Variants in MAGI2 observed in about 807,000 individuals in gnomAD.
MAGI2 encodes the protein membrane-associated guanylate kinase, WW and PDZ domain-containing protein 2.
Under a neutral mutation model 133.3 loss-of-function variants are expected in MAGI2, and 35 were observed. The observed-to-expected ratio is 0.26, with a 90% confidence interval of 0.20 to 0.35. The LOEUF is 0.35. Among genes scored for constraint, MAGI2 ranks in the 10% least tolerant of loss-of-function variants. MAGI2 has a pLI of 1.00. For missense variants in MAGI2, 1,636 were observed against 1,863.4 expected (o/e 0.88, Z 2.25); for synonymous variants, 729 against 710.6 (o/e 1.03, Z -0.41).
intron 3 of MAGI2, among the ~76,000 whole-genome samples, chr7:78,561,130 T>A (rs1195645552): frequency 2.0e-5 from 3 of 151,892 alleles, no homozygotes; most frequent in Admixed American, 6.6e-5. Flanking sequence ...CGTGTCAGGA[T>A]TAATAGAAGG....
intron 12 of MAGI2, among the ~76,000 whole-genome samples, chr7:78,192,558 C>T (rs1331706781): frequency 2.7e-5 from 4 of 148,050 alleles, no homozygotes; most frequent in African/African-American, 1.0e-4. Flanking sequence ...CACATATCCA[C>T]AAGCAGAGCG....
intron 1 of MAGI2, among the ~76,000 whole-genome samples, chr7:79,287,748 A>G (rs1417053414): frequency 6.6e-6 from 1 of 152,152 alleles, no homozygotes; most frequent in African/African-American, 2.4e-5. Context: ...TATCTAGGAT[A>G]ATGTAAAGTT....
At chr7:78,472,937 A>G (rs1791374544) in intron 6 of MAGI2, among the ~76,000 whole-genome samples, 1 of 152,112 alleles carries the variant, frequency 6.6e-6, no homozygotes, top group African/African-American at 2.4e-5. Context: ...TATAGGGGAA[A>G]GGTCACCAAC....
intron 1 of MAGI2, among the ~76,000 whole-genome samples, chr7:79,138,565 G>C (rs1374500185): frequency 6.6e-6 from 1 of 152,158 alleles, no homozygotes; most frequent in African/African-American, 2.4e-5. Flanking sequence ...ATTTCAGACT[G>C]AAGGGAATTC....
At chr7:78,717,818 G>A (rs1423078355) in intron 2 of MAGI2, among the ~76,000 whole-genome samples, 1 of 152,138 alleles carries the variant, frequency 6.6e-6, no homozygotes, top group African/African-American at 2.4e-5. Flanking sequence ...AGCCATTAGA[G>A]TGGTTCACTA....
At chr7:78,790,423 T>C (rs1827158553) in intron 2 of MAGI2, among the ~76,000 whole-genome samples, 1 of 152,166 alleles carries the variant, frequency 6.6e-6, no homozygotes, top group Non-Finnish European at 1.5e-5. Context: ...TCACTTTGCC[T>C]TCCTGGAGTT....
intron 3 of MAGI2, among the ~76,000 whole-genome samples, chr7:78,555,631 A>G (rs1040334893): frequency 1.3e-5 from 2 of 152,216 alleles, no homozygotes; most frequent in Non-Finnish European, 2.9e-5. Context: ...CTGAGTTTAT[A>G]TTACCTATTT....
intron 7 of MAGI2, among the ~76,000 whole-genome samples, chr7:78,351,509 T>A (rs1308541171): frequency 6.6e-6 from 1 of 151,862 alleles, no homozygotes; most frequent in African/African-American, 2.4e-5. Context: ...GAGGACTGGC[T>A]TGGGGCTTGG....
intron 3 of MAGI2, among the ~76,000 whole-genome samples, chr7:78,529,383 G>C (rs923694259): frequency 2.6e-5 from 4 of 152,234 alleles, no homozygotes; most frequent in African/African-American, 9.6e-5. Context: ...GAGTAGCTCA[G>C]AACATTTCCC....
chr7:78,910,653 C>T (rs1021871746), intron 2 of MAGI2, among the ~76,000 whole-genome samples: 1 of 152,094 alleles, frequency 6.6e-6, no homozygotes, highest in African/African-American at 2.4e-5. Context: ...GTCTAATATT[C>T]CAACTTCCTA....
At chr7:78,921,633 T>TA (rs1366949073) in intron 2 of MAGI2, among the ~76,000 whole-genome samples, 1 of 142,624 alleles carries the variant, frequency 7.0e-6, no homozygotes, top group Non-Finnish European at 1.5e-5. Context: ...TTTCAACAGT[T>TA]TTTTTTTTTT....
At chr7:78,181,473 C>T (rs569353846) in intron 13 of MAGI2, among the ~76,000 whole-genome samples, 2 of 152,182 alleles carry the variant, frequency 1.3e-5, no homozygotes, top group Non-Finnish European at 2.9e-5. Flanking sequence ...GAGACACTCT[C>T]AGGTGTCGCT....
At chr7:78,033,905 A>G (rs908374247) in intron 21 of MAGI2, among the ~76,000 whole-genome samples, 2 of 152,172 alleles carry the variant, frequency 1.3e-5, no homozygotes, top group African/African-American at 4.8e-5. Flanking sequence ...CCTGTAGACA[A>G]TGGGCTGCCA....
At chr7:78,599,505 T>A (rs1170349844) in intron 3 of MAGI2, among the ~76,000 whole-genome samples, 1 of 152,076 alleles carries the variant, frequency 6.6e-6, no homozygotes, top group Non-Finnish European at 1.5e-5. Context: ...AAAGCCAGAA[T>A]GAATAAAATA....
chr7:79,142,575 CATGTGGATGTGTGAAT>C (rs1331204652), intron 1 of MAGI2, among the ~76,000 whole-genome samples: 1 of 152,070 alleles, frequency 6.6e-6, no homozygotes, highest in Non-Finnish European at 1.5e-5. Flanking sequence ...CATGTGTGTG[CATGTGGATGTGTGAAT>C]AATGACAATT....
At chr7:78,492,298 A>C (rs1160364188) in intron 5 of MAGI2, among the ~76,000 whole-genome samples, 1 of 152,098 alleles carries the variant, frequency 6.6e-6, no homozygotes, top group Non-Finnish European at 1.5e-5. Context: ...ACATTTTGAC[A>C]GATTGAGTCT....
chr7:78,633,330 T>G (rs1809236881), intron 2 of MAGI2, among the ~76,000 whole-genome samples: 1 of 152,088 alleles, frequency 6.6e-6, no homozygotes. Flanking sequence ...GGAAATAATT[T>G]GCACAGCAAA....
intron 1 of MAGI2, among the ~76,000 whole-genome samples, chr7:79,013,621 A>G (rs958769318): frequency 6.6e-6 from 1 of 152,162 alleles, no homozygotes; most frequent in African/African-American, 2.4e-5. Context: ...CAGACACAAA[A>G]CAGGTGACAG....
intron 9 of MAGI2, among the ~76,000 whole-genome samples, chr7:78,267,480 G>C (rs1794134693): frequency 6.6e-6 from 1 of 152,112 alleles, no homozygotes; most frequent in South Asian, 2.1e-4. Flanking sequence ...TCCAATTTCA[G>C]TTTCAGAAAG....
Sources: gnomAD v4.1 joint callset for allele counts (sites outside exome capture counted in the v4.1 genomes callset) on GRCh38, gnomAD v4.1.1 for gene constraint, MANE v1.5 for transcripts, NCBI Gene and HGNC (gene_info 2026-07-23, HGNC 2026-07-21) for gene names.